The following ASB18 variants were observed in gnomAD, a reference collection of about 807,000 sequenced individuals.
The protein encoded by ASB18 is ankyrin repeat and SOCS box protein 18.
A neutral mutation model predicts 33.4 loss-of-function variants in ASB18; 33 were observed. The observed-to-expected ratio is 0.99, with a 90% CI of 0.75 to 1.32. The LOEUF (loss-of-function observed/expected upper bound fraction) is 1.32, where lower values mean the gene tolerates loss of function less well. Among genes scored for constraint, ASB18 ranks in the 40% most tolerant of loss-of-function variants. The pLI, the probability that ASB18 is intolerant of heterozygous loss-of-function variation, is 0.00. For missense variants in ASB18, 694 were observed against 655.5 expected (o/e 1.06, Z -0.64); for synonymous variants, 295 against 307.6 (o/e 0.96, Z 0.43).
Position 236,231,449 on chromosome 2 carries a change from GC to G in ASB18, c.596+6239del, listed in dbSNP as rs2060564200. 6.6e-6 allele frequency among the ~76,000 whole-genome samples: 1 copy of G among 152,060 alleles called. No homozygotes were observed. The highest frequency in any genetic ancestry group is 6.6e-5 in the Admixed American group (1 of 15,236). On this transcript the variant is annotated intron_variant, in intron 3 of 5. Transcript: ENST00000409749. This position sits in a 1 kb window ranked among gnomAD's most constrained non-coding sequence, Gnocchi z 5.5. ...TAAATTTGCCTCTTCCATTTTTTCT[GC>G]TCCTCTGCCATGTGACAATGCAGCA...
chr2:236,237,356 CGGGGCG>C lies in ASB18; in HGVS notation c.596+327_596+332del, dbSNP rs1185936888. The stretch of plus-strand genomic sequence containing the variant: ...ACCCGCGGGGGCCGGGGCCGGGGCG[CGGGGCG>C]GGGGCCGGGGCCGGGGCGCGGGGCG... On this transcript the variant is annotated intron_variant, in intron 3 of 5. Coordinates refer to ENST00000409749, the MANE Select transcript of ASB18 (RefSeq NM_212556.4). The surrounding 1 kb of genome is among the most constrained non-coding windows in gnomAD (Gnocchi z 6.2). 7.6e-5 allele frequency among the ~76,000 whole-genome samples: 3 copies of C among 39,346 alleles called. No homozygotes were observed. The highest frequency in any genetic ancestry group is 1.0e-4 in the Non-Finnish European group (2 of 19,812). The allele number at this position is 39,346 out of a possible 152,430, so 25.8% of individuals were successfully genotyped here.
chr2:236,243,345 AAG>A (rs945858090), intron 1 of ASB18, among the ~76,000 whole-genome samples: 2 of 151,734 alleles, frequency 1.3e-5, no homozygotes, highest in African/African-American at 2.4e-5. Context: ...AAAAAAAAAA[AAG>A]AGTAATTACT....
At position 236,219,158 on chromosome 2, in the gene ASB18, G is replaced by A. The variant is rs957369008; in HGVS notation, c.597-4292C>T. ...CTCAAAGTGTTGAGATTACAGGCATGAGCCACCGTGCCCTGCCAAAAAACC... is the reference window on the plus strand; with the variant it reads ...CTCAAAGTGTTGAGATTACAGGCATAAGCCACCGTGCCCTGCCAAAAAACC... On this transcript the variant is annotated intron_variant, in intron 3 of 5. Coordinates refer to ENST00000409749, the MANE Select transcript of ASB18 (RefSeq NM_212556.4). This position sits in a 1 kb window ranked among gnomAD's most constrained non-coding sequence, Gnocchi z 6.4. 4.6e-5 allele frequency among the ~76,000 whole-genome samples: 7 copies of A among 152,112 alleles called. No individual in the cohort carries two copies. Among genetic ancestry groups the A allele is most frequent in the African/African-American group, 1.7e-4 (7 of 41,418 alleles).
In ASB18 at chr2:236,249,411, T is replaced by C; in HGVS notation, c.206-8009A>G. The stretch of plus-strand genomic sequence containing the variant: ...GGATGTGAAGGGGTCTGTCACAGTT[T>C]GCACAGCCTTATTCCACTCTTCACT... On this transcript the variant is annotated intron_variant, in intron 1 of 5. Transcript: ENST00000409749. The surrounding 1 kb of genome is among the most constrained non-coding windows in gnomAD (Gnocchi z 4.6). 1 of 152,240 alleles carries C rather than the reference T, an allele frequency of 6.6e-6. No homozygotes were observed. The highest frequency in any genetic ancestry group is 1.5e-5 in the Non-Finnish European group (1 of 68,058). The allele number at this position is 152,240 out of a possible 1,614,324, so 9.4% of individuals were successfully genotyped here.
chr2:236,237,625 G>C lies in ASB18; in HGVS notation c.596+64C>G, dbSNP rs1432812509. On this transcript the variant is annotated intron_variant, in intron 3 of 5. Transcript: ENST00000409749. This position sits in a 1 kb window ranked among gnomAD's most constrained non-coding sequence, Gnocchi z 6.2. ...CGGAGGCGGGGTCGGCGGTCTCGTG[G>C]GGGGAGGCGGGCGTCTGGTCTCGGG... The C allele has an allele frequency of 1.6e-6, 2 of 1,288,192 alleles. No individual in the cohort carries two copies. Among genetic ancestry groups the C allele is most frequent in the Non-Finnish European group, 2.0e-6 (2 of 1,007,110 alleles). The allele number at this position is 1,288,192 out of a possible 1,614,324, so 79.8% of individuals were successfully genotyped here. A position where few individuals can be genotyped will look rare whatever the true frequency, so the allele number is the denominator to read the frequency against.
At chr2:236,240,108 A>G (rs2060614871) in intron 2 of ASB18, among the ~76,000 whole-genome samples, 1 of 152,228 alleles carries the variant, frequency 6.6e-6, no homozygotes, top group African/African-American at 2.4e-5. Context: ...TGTGCAAATG[A>G]TGGGTGAACA....
At position 236,200,424 on chromosome 2, in the gene ASB18, T is replaced by A. The variant is rs532705795; in HGVS notation, c.1102-4039A>T. ...TTGATACAGGAACTATTTAACCAGA[T>A]GTGGGTACAAGGAAACTGACAAGGG... On this transcript the variant is annotated intron_variant, in intron 4 of 5. Transcript: ENST00000409749. The surrounding 1 kb of genome is among the most constrained non-coding windows in gnomAD (Gnocchi z 4.2). Among the ~76,000 whole-genome samples, 10 of 152,254 alleles carry A rather than the reference T, an allele frequency of 6.6e-5. No individual in the cohort carries two copies. Among genetic ancestry groups the A allele is most frequent in the African/African-American group, 2.4e-4 (10 of 41,544 alleles).
chr2:236,205,743 TAA>T lies in ASB18; in HGVS notation c.1101+8617_1101+8618del, dbSNP rs1052661341. Among the ~76,000 whole-genome samples the T allele has an allele frequency of 1.1e-4, 17 of 152,370 alleles. No individual in the cohort carries two copies. Among genetic ancestry groups the T allele is most frequent in the African/African-American group, 4.1e-4 (17 of 41,588 alleles). On this transcript the variant is annotated intron_variant, in intron 4 of 5. Transcript: ENST00000409749. This position sits in a 1 kb window ranked among gnomAD's most constrained non-coding sequence, Gnocchi z 5.4. ...GCATGTTTTATGAACCCTTGATATC[TAA>T]AAGTGTCTTTCATCATCAAAATGAA...
rs1403467888 is a variant in ASB18, at chr2:236,219,421, T to A, written c.597-4555A>T. On this transcript the variant is annotated intron_variant, in intron 3 of 5. Transcript: ENST00000409749. This position sits in a 1 kb window ranked among gnomAD's most constrained non-coding sequence, Gnocchi z 6.4. Reference sequence around the variant, plus strand: ...AGGTTCCCAGAATACGCTTGAAATTTCCATCAATCTGTTTAGGTATAAGCA... The same window carrying A: ...AGGTTCCCAGAATACGCTTGAAATTACCATCAATCTGTTTAGGTATAAGCA... Among the ~76,000 whole-genome samples the A allele has an allele frequency of 6.6e-6, 1 of 152,200 alleles. No individual in the cohort carries two copies. The highest frequency in any genetic ancestry group is 1.5e-5 in the Non-Finnish European group (1 of 68,036).
rs1261764974 is a variant in ASB18, at chr2:236,259,575, G to A, written c.205+4566C>T. The A allele has an allele frequency of 4.2e-6, 2 of 471,062 alleles. No homozygotes were observed. Among genetic ancestry groups the A allele is most frequent in the Non-Finnish European group, 8.8e-6 (2 of 227,030 alleles). The allele number at this position is 471,062 out of a possible 1,614,324, so 29.2% of individuals were successfully genotyped here. ...CAGTGGACGTGACCTCCCCTGCATG[G>A]GGTCGGAAGGATGAGATGGCAAAGG... On this transcript the variant is annotated intron_variant, in intron 1 of 5. Transcript: ENST00000409749. The surrounding 1 kb of genome is among the most constrained non-coding windows in gnomAD (Gnocchi z 4.4).
rs2060417176 is a variant in ASB18 at position 236,203,578 on chromosome 2, C to T, written c.1102-7193G>A. Among the ~76,000 whole-genome samples the T allele has an allele frequency of 6.6e-6, 1 of 152,142 alleles. No individual in the cohort carries two copies. Among genetic ancestry groups the T allele is most frequent in the African/African-American group, 2.4e-5 (1 of 41,434 alleles). ...GGTCTGATTTTAATTTTAGAAATATCACCAAGGCTGGGTGTGGTGGCTCAT... is the reference window on the plus strand; with the variant it reads ...GGTCTGATTTTAATTTTAGAAATATTACCAAGGCTGGGTGTGGTGGCTCAT... On this transcript the variant is annotated intron_variant, in intron 4 of 5. Coordinates refer to ENST00000409749, the MANE Select transcript of ASB18 (RefSeq NM_212556.4). The surrounding 1 kb of genome is among the most constrained non-coding windows in gnomAD (Gnocchi z 6.0).
chr2:236,243,879 T>C (rs569680081), intron 1 of ASB18, among the ~76,000 whole-genome samples: 5 of 152,178 alleles, frequency 3.3e-5, no homozygotes, highest in African/African-American at 1.2e-4. Flanking sequence ...CAGGCTGGAG[T>C]ACGGTGATGT....
Position 236,214,734 on chromosome 2 carries a change from C to A in ASB18, c.729G>T (p.Ala243=). ...CGCGGCCGTTCCTCGCGTCCACGTG[C>A]GCCCCGCGGCCCAGGTACAGGCGCG... The part of the protein sequence containing the change: ...EHARLYLGRG[A]HVDARNGRGE... The change falls in exon 4 of 6, where the codon GCG becomes GCT. Residue 243 remains alanine (A), a synonymous_variant. Transcript: ENST00000409749. The surrounding 1 kb of genome is among the most constrained non-coding windows in gnomAD (Gnocchi z 6.5). 1 of 1,164,070 alleles carries A rather than the reference C, an allele frequency of 8.6e-7. No individual in the cohort carries two copies. The highest frequency in any genetic ancestry group is 3.6e-4 in the Middle Eastern group (1 of 2,816). The allele number at this position is 1,164,070 out of a possible 1,614,324, so 72.1% of individuals were successfully genotyped here. A position where few individuals can be genotyped will look rare whatever the true frequency, so the allele number is the denominator to read the frequency against.
rs1384237717 is a variant in ASB18, at chr2:236,250,630, T to G, written c.206-9228A>C. The G allele has an allele frequency of 6.6e-6, 1 of 152,238 alleles. No individual in the cohort carries two copies. The highest frequency in any genetic ancestry group is 1.5e-5 in the Non-Finnish European group (1 of 68,046). 9.4% of individuals were successfully genotyped at this position (152,238 alleles called of 1,614,324 possible). On this transcript the variant is annotated intron_variant, in intron 1 of 5. Coordinates refer to ENST00000409749, the MANE Select transcript of ASB18 (RefSeq NM_212556.4). The surrounding 1 kb of genome is among the most constrained non-coding windows in gnomAD (Gnocchi z 4.1). Reference sequence around the variant, plus strand: ...CTAGGATAATAACATCACTACCAACTGGTGCAGCAGCCCCAGGCCTTCCAG... The same window carrying G: ...CTAGGATAATAACATCACTACCAACGGGTGCAGCAGCCCCAGGCCTTCCAG...
intron 1 of ASB18, among the ~76,000 whole-genome samples, chr2:236,258,768 A>G (rs1335746502): frequency 6.6e-6 from 1 of 152,142 alleles, no homozygotes; most frequent in East Asian, 1.9e-4. Context: ...CCCCACCTAT[A>G]CATGACGCTG....
Position 236,235,464 on chromosome 2 carries a change from C to G in ASB18, c.596+2225G>C, listed in dbSNP as rs1021232028. On this transcript the variant is annotated intron_variant, in intron 3 of 5. Transcript: ENST00000409749. This position sits in a 1 kb window ranked among gnomAD's most constrained non-coding sequence, Gnocchi z 6.2. ...CTGAGAATGTATCCCCATCGTTAAG[C>G]GACAAATGACTGTATGTGGATGGCA... Among the ~76,000 whole-genome samples the G allele has an allele frequency of 1.3e-5, 2 of 152,146 alleles. No individual in the cohort carries two copies. Among genetic ancestry groups the G allele is most frequent in the African/African-American group, 4.8e-5 (2 of 41,430 alleles).
rs1553601616 is a variant in ASB18 at position 236,238,610 on chromosome 2, G to GGTGTGTGTCTGTGTGTGT, written c.329-655_329-654insACACACACAGACACACAC. Among the ~76,000 whole-genome samples the GGTGTGTGTCTGTGTGTGT allele has an allele frequency of 6.7e-6, 1 of 150,270 alleles. No homozygotes were observed. Among genetic ancestry groups the GGTGTGTGTCTGTGTGTGT allele is most frequent in the African/African-American group, 2.5e-5 (1 of 40,770 alleles). Reference sequence around the variant, plus strand: ...GGTTTGTTTCTTTGCGCTTTTTAGGGGTGTGTGTGTGTGTGTGTGTAGGGT... The same window carrying GGTGTGTGTCTGTGTGTGT: ...GGTTTGTTTCTTTGCGCTTTTTAGGGGTGTGTGTCTGTGTGTGTGTGTGTGTGTGTGTGTGTGTAGGGT... On this transcript the variant is annotated intron_variant, in intron 2 of 5. Coordinates refer to ENST00000409749, the MANE Select transcript of ASB18 (RefSeq NM_212556.4). The surrounding 1 kb of genome is among the most constrained non-coding windows in gnomAD (Gnocchi z 5.2).
rs2219062 is a variant in ASB18 at position 236,240,732 on chromosome 2, C to G, written c.328+548G>C. On this transcript the variant is annotated intron_variant, in intron 2 of 5. Transcript: ENST00000409749. ...CAGGCAGCAAGAGCACCTGCAGACA[C>G]GTATGAAGTCAGGACCTCTGGTTTC... Among the ~76,000 whole-genome samples, 265 of 152,280 alleles carry G rather than the reference C, an allele frequency of 1.7e-3. 1 individual carries two copies. The highest frequency in any genetic ancestry group is 6.2e-3 in the African/African-American group (258 of 41,568).
At position 236,263,307 on chromosome 2, in the gene ASB18, G is replaced by C. The variant is rs1018897048; in HGVS notation, c.205+834C>G. On this transcript the variant is annotated intron_variant, in intron 1 of 5. Transcript: ENST00000409749. The surrounding 1 kb of genome is among the most constrained non-coding windows in gnomAD (Gnocchi z 4.0). ...CCCAAGACCCAAATAGACAGGTCTTGCACCTGATGAGGCCTACAAAGAAAA... is the reference window on the plus strand; with the variant it reads ...CCCAAGACCCAAATAGACAGGTCTTCCACCTGATGAGGCCTACAAAGAAAA... Among the ~76,000 whole-genome samples the C allele has an allele frequency of 6.6e-6, 1 of 152,176 alleles. No homozygotes were observed. Among genetic ancestry groups the C allele is most frequent in the Non-Finnish European group, 1.5e-5 (1 of 68,024 alleles).
Sources: allele counts gnomAD v4.1 joint callset (sites outside exome capture counted in the v4.1 genomes callset), GRCh38; gene constraint gnomAD v4.1.1; non-coding constraint Gnocchi (gnomAD v3.1); transcripts MANE v1.5; gene names NCBI Gene and HGNC (gene_info 2026-07-23, HGNC 2026-07-21).